Variants in ADGRL2 observed in about 807,000 individuals in gnomAD.
ADGRL2 encodes adhesion G protein-coupled receptor L2, also known as calcium-independent alpha-latrotoxin receptor 2.
Under a neutral mutation model 157.4 loss-of-function variants are expected in ADGRL2, and 44 were observed. The ratio of observed to expected loss-of-function variants is 0.28; its 90% CI spans 0.22 to 0.36. ADGRL2 has a LOEUF of 0.36. Among genes scored for constraint, ADGRL2 ranks in the 10% least tolerant of loss-of-function variants. The pLI is 1.00. For synonymous variants in ADGRL2, 585 were observed against 624.7 expected (o/e 0.94, Z 0.95); for missense variants, 1,510 against 1,768.9 (o/e 0.85, Z 2.63).
intron 2 of ADGRL2, among the ~76,000 whole-genome samples, chr1:81,777,637 C>T (rs552889068): frequency 6.6e-6 from 1 of 152,070 alleles, no homozygotes; most frequent in African/African-American, 2.4e-5. Context: ...ATGGCACATG[C>T]CTGTAGTCCC....
intron 2 of ADGRL2, among the ~76,000 whole-genome samples, chr1:81,885,148 G>C (rs1185059605): frequency 6.6e-6 from 1 of 152,138 alleles, no homozygotes; most frequent in Non-Finnish European, 1.5e-5. Context: ...GAAGTAAGGA[G>C]GGGAAAGTGA....
intron 3 of ADGRL2, among the ~76,000 whole-genome samples, chr1:81,617,741 T>C (rs1225925406): frequency 1.3e-5 from 2 of 152,244 alleles, no homozygotes; most frequent in South Asian, 2.1e-4. Flanking sequence ...TTTCTTTAAA[T>C]GGCGTTTTTC....
At chr1:81,920,634 G>A (rs2094955914) in intron 3 of ADGRL2, among the ~76,000 whole-genome samples, 1 of 152,020 alleles carries the variant, frequency 6.6e-6, no homozygotes, top group East Asian at 1.9e-4. Context: ...CAGAGCTCCC[G>A]CCCTGAGGAA....
chr1:81,574,627 C>T (rs1035466963), intron 2 of ADGRL2, among the ~76,000 whole-genome samples: 2 of 152,140 alleles, frequency 1.3e-5, no homozygotes, highest in African/African-American at 4.8e-5. Flanking sequence ...CTGCCAGTAG[C>T]AGATCCAAAG....
At chr1:81,384,735 C>T (rs1374323553) in intron 1 of ADGRL2, among the ~76,000 whole-genome samples, 5 of 152,046 alleles carry the variant, frequency 3.3e-5, no homozygotes, top group Non-Finnish European at 7.4e-5. Flanking sequence ...TTAGAACACT[C>T]TAAGTAACAA....
chr1:81,691,502 G>A (rs920297177), intron 3 of ADGRL2, among the ~76,000 whole-genome samples: 9 of 151,664 alleles, frequency 5.9e-5, no homozygotes, highest in Non-Finnish European at 7.4e-5. Flanking sequence ...TTTCTTTTTA[G>A]GACTTTTTTT....
At chr1:81,578,067 T>C (rs765202913) in intron 2 of ADGRL2, among the ~76,000 whole-genome samples, 6 of 152,202 alleles carry the variant, frequency 3.9e-5, no homozygotes, top group Non-Finnish European at 8.8e-5. Context: ...CACAGGGTAT[T>C]ATATTTTAAG....
chr1:81,467,646 C>T lies in ADGRL2; in HGVS notation c.-248+22557C>T, dbSNP rs903368362. 3.3e-5 allele frequency among the ~76,000 whole-genome samples: 5 copies of T among 152,088 alleles called. No homozygotes were observed. In the East Asian group the frequency reaches 9.7e-4, roughly 29 times the overall value. On this transcript the variant is annotated intron_variant, in intron 2 of 24. Coordinates refer to the ADGRL2 transcript ENST00000370721. ...AGTGAGATTTCCTGCCCATCCATGACCAATCAGTATTATTTTTTCAGTGAC... is the reference window on the plus strand; with the variant it reads ...AGTGAGATTTCCTGCCCATCCATGATCAATCAGTATTATTTTTTCAGTGAC...
intron 3 of ADGRL2, among the ~76,000 whole-genome samples, chr1:81,636,320 A>G (rs2148780077): frequency 6.6e-6 from 1 of 152,320 alleles, no homozygotes; most frequent in East Asian, 1.9e-4. Flanking sequence ...TGTAGGAAAT[A>G]TTTAAATCAT....
intron 2 of ADGRL2, among the ~76,000 whole-genome samples, chr1:81,888,716 T>C (rs1418102344): frequency 2.0e-5 from 3 of 152,158 alleles, no homozygotes; most frequent in African/African-American, 7.2e-5. Context: ...CCTCCCAAAG[T>C]GCTGGGATTA....
At chr1:81,893,561 G>A (rs1165833700) in intron 2 of ADGRL2, among the ~76,000 whole-genome samples, 3 of 152,064 alleles carry the variant, frequency 2.0e-5, no homozygotes, top group African/African-American at 7.2e-5. Context: ...CCAGAAGTTG[G>A]AACTGCTCTG....
At chr1:81,404,528 A>G (rs2076819271) in intron 1 of ADGRL2, among the ~76,000 whole-genome samples, 1 of 152,224 alleles carries the variant, frequency 6.6e-6, no homozygotes, top group Admixed American at 6.5e-5. Context: ...AACAATTAGT[A>G]AGAGGCAAAG....
chr1:81,912,111 G>T (rs1396262671), intron 3 of ADGRL2, among the ~76,000 whole-genome samples: 1 of 150,600 alleles, frequency 6.6e-6, no homozygotes, highest in Admixed American at 6.6e-5. Flanking sequence ...TCACTCCCTT[G>T]CCCACGCTGG....
chr1:81,322,091 T>TATATATATATATATATACAC (rs1660544344), intron 1 of ADGRL2, among the ~76,000 whole-genome samples: 2 of 98,320 alleles, frequency 2.0e-5, no homozygotes. Context: ...CTAATTCATA[T>TATATATATATATATATACAC]ATATATATAT....
chr1:81,591,503 T>C (rs151015932), intron 3 of ADGRL2, among the ~76,000 whole-genome samples: 9 of 152,304 alleles, frequency 5.9e-5, no homozygotes, highest in African/African-American at 2.2e-4. Flanking sequence ...CATTTTGCTT[T>C]AAATGCCAAA....
At chr1:81,762,159 T>C (rs2149309913) in intron 2 of ADGRL2, among the ~76,000 whole-genome samples, 1 of 152,236 alleles carries the variant, frequency 6.6e-6, no homozygotes, top group Middle Eastern at 3.4e-3. Context: ...AATACACAGA[T>C]ATAGAAATAA....
At chr1:81,702,645 A>G (rs2083610103) in intron 1 of ADGRL2, among the ~76,000 whole-genome samples, 2 of 152,190 alleles carry the variant, frequency 1.3e-5, no homozygotes, top group South Asian at 4.1e-4. Context: ...AACAAAACAA[A>G]AACAAAAACA....
chr1:81,833,415 G>T lies in ADGRL2; in HGVS notation c.-100-3470G>T, dbSNP rs1049997837. 2.0e-5 allele frequency among the ~76,000 whole-genome samples: 3 copies of T among 152,156 alleles called. No homozygotes were observed. The South Asian group carries it at 6.2e-4, about 31-fold the overall frequency. ...GAAACCAAAAATAAAGCTTTAGATAGAACTCCTTATGGTGGCTTTGCTCCT... is the reference window on the plus strand; with the variant it reads ...GAAACCAAAAATAAAGCTTTAGATATAACTCCTTATGGTGGCTTTGCTCCT... On this transcript the variant is annotated intron_variant, in intron 1 of 23. Coordinates refer to ENST00000686636, the MANE Select transcript of ADGRL2 (RefSeq NM_001366006.2).
chr1:81,897,152 G>A (rs1176337758), intron 2 of ADGRL2, among the ~76,000 whole-genome samples: 2 of 152,174 alleles, frequency 1.3e-5, no homozygotes, highest in South Asian at 4.1e-4. Flanking sequence ...CTGTTTTCAA[G>A]ACCTGGTGTC....
Sources: gnomAD v4.1 joint callset for allele counts (sites outside exome capture counted in the v4.1 genomes callset) on GRCh38, gnomAD v4.1.1 for gene constraint, MANE v1.5 for transcripts, NCBI Gene and HGNC (gene_info 2026-07-23, HGNC 2026-07-21) for gene names.